RP1: variants seen among roughly 807,000 people sequenced by gnomAD.
The protein encoded by RP1 is oxygen-regulated protein 1.
Under a neutral mutation model 14.8 loss-of-function variants are expected in RP1, and 16 were observed. The observed-to-expected ratio is 1.08, with a 90% CI of 0.73 to 1.65. The LOEUF (loss-of-function observed/expected upper bound fraction) is 1.65, where lower values mean the gene tolerates loss of function less well. Ranked by LOEUF, RP1 falls within the 40% of genes most tolerant of loss-of-function variation. The pLI is 0.00. For synonymous variants in RP1, 876 were observed against 883.6 expected (o/e 0.99, Z 0.15); for missense variants, 2,631 against 2,535.0 (o/e 1.04, Z -0.81).
At chr8:54,697,514 C>T (rs1807898020) in intron 12 of RP1, among the ~76,000 whole-genome samples, 1 of 152,172 alleles carries the variant, frequency 6.6e-6, no homozygotes, top group Non-Finnish European at 1.5e-5. Flanking sequence ...AAGATTGTGC[C>T]ATTGCACTCC....
chr8:54,840,027 A>G (rs568188932), intron 25 of RP1, among the ~76,000 whole-genome samples: 1 of 152,088 alleles, frequency 6.6e-6, no homozygotes, highest in African/African-American at 2.4e-5. Flanking sequence ...ATGAAGTGGG[A>G]AAAATGAAGG....
chr8:54,674,402 T>A (rs932743612), intron 8 of RP1, among the ~76,000 whole-genome samples: 12 of 151,742 alleles, frequency 7.9e-5, no homozygotes, highest in African/African-American at 2.9e-4. Context: ...ATCAACTCTG[T>A]GAGATGACTC....
At chr8:54,803,885 T>C (rs1169178770) in intron 24 of RP1, among the ~76,000 whole-genome samples, 1 of 151,984 alleles carries the variant, frequency 6.6e-6, no homozygotes, top group South Asian at 2.1e-4. Flanking sequence ...CTGACCAACA[T>C]GGTGAAACCC....
In RP1 at chr8:54,809,544, A is replaced by G. The variant is rs569101743; in HGVS notation, c.3615+25834A>G. 3.9e-5 allele frequency among the ~76,000 whole-genome samples: 6 copies of G among 152,346 alleles called. No individual in the cohort carries two copies. In the East Asian group the frequency reaches 1.2e-3, roughly 29 times the overall value. ...TCATAAAAGCCTTAAATTCAAACAA[A>G]TTCTCTGTATGTATTTCAATCTTAT... is the stretch of plus-strand genomic sequence containing the variant. On this transcript the variant is annotated intron_variant, in intron 24 of 28. Transcript: ENST00000637698.
intron 24 of RP1, among the ~76,000 whole-genome samples, chr8:54,798,190 A>G (rs1189578386): frequency 6.6e-6 from 1 of 151,712 alleles, no homozygotes; most frequent in Non-Finnish European, 1.5e-5. Context: ...AGTTTTTTGT[A>G]TTTTAGTAGA....
chr8:54,624,168 G>A (rs950416406), intron 3 of RP1, among the ~76,000 whole-genome samples: 35 of 152,190 alleles, frequency 2.3e-4, no homozygotes, highest in Non-Finnish European at 2.4e-4. Flanking sequence ...TAGGCTGAGC[G>A]TGGTGGCTCA....
upstream of RP1, among the ~76,000 whole-genome samples, chr8:54,615,294 G>GAGA (rs1296869898): frequency 7.2e-5 from 11 of 152,130 alleles, no homozygotes; most frequent in Admixed American, 7.2e-4. Flanking sequence ...GATTGGTGTG[G>GAGA]AGACAACATT....
intron 1 of RP1, among the ~76,000 whole-genome samples, chr8:54,559,585 G>T (rs1804238617): frequency 6.6e-6 from 1 of 152,150 alleles, no homozygotes; most frequent in Admixed American, 6.5e-5. Flanking sequence ...ATATTTGTAA[G>T]GTATTGTAGT....
At chr8:54,574,731 CAG>C (rs1297947658) in intron 1 of RP1, among the ~76,000 whole-genome samples, 1 of 152,086 alleles carries the variant, frequency 6.6e-6, no homozygotes, top group African/African-American at 2.4e-5. Context: ...AAAACCACTC[CAG>C]AGTTAACTTA....
At chr8:54,668,683 G>A (rs945704531) in intron 7 of RP1, among the ~76,000 whole-genome samples, 11 of 152,106 alleles carry the variant, frequency 7.2e-5, no homozygotes, top group Admixed American at 3.9e-4. Flanking sequence ...CAGAGATATA[G>A]ACCAATGGAA....
intron 7 of RP1, among the ~76,000 whole-genome samples, chr8:54,673,026 A>C (rs1807212271): frequency 6.6e-6 from 1 of 152,174 alleles, no homozygotes. Flanking sequence ...TTTTTTATTA[A>C]TGAATGCTAA....
intron 12 of RP1, among the ~76,000 whole-genome samples, chr8:54,692,029 G>C (rs920986148): frequency 6.6e-6 from 1 of 151,430 alleles, no homozygotes; most frequent in Non-Finnish European, 1.5e-5. Context: ...ATGTGTTCTC[G>C]TTGTTCAATT....
intron 1 of RP1, among the ~76,000 whole-genome samples, chr8:54,595,795 CATT>C (rs1277249574): frequency 1.3e-5 from 2 of 152,204 alleles, no homozygotes; most frequent in East Asian, 3.8e-4. Context: ...TATTTACTAT[CATT>C]ATTAATAAAG....
intron 4 of RP1, chr8:54,649,176 T>C: frequency 1.4e-6 from 2 of 1,436,052 alleles, no homozygotes; most frequent in Admixed American, 5.9e-5. Flanking sequence ...GTATAAACTG[T>C]TAATATAAGT....
chr8:54,793,392 A>G (rs1810514268), intron 24 of RP1, among the ~76,000 whole-genome samples: 1 of 151,906 alleles, frequency 6.6e-6, no homozygotes, highest in Non-Finnish European at 1.5e-5. Context: ...AAATTACAGG[A>G]CAATATTCCT....
intron 1 of RP1, among the ~76,000 whole-genome samples, chr8:54,584,626 GT>G (rs1804875840): frequency 6.6e-6 from 1 of 152,148 alleles, no homozygotes; most frequent in South Asian, 2.1e-4. Context: ...TTATTATTGT[GT>G]GGGTGTCTAA....
Position 54,663,852 on chromosome 8 carries a change from T to C in RP1, c.1323+2T>C, listed in dbSNP as rs115833568. On this transcript the variant is annotated splice_donor_variant, in intron 7 of 22. Transcript: ENST00000636932. LOFTEE classifies it high-confidence loss of function. ...TCCTTCAATTTTTTAAGAGGACAAG[T>C]AAGCAAAATGCCCTTTGATTTTAAA... The C allele has an allele frequency of 2.9e-4, 434 of 1,520,174 alleles. 3 individuals carry two copies. The African/African-American group carries it at 5.5e-3, about 19-fold the overall frequency. The allele number at this position is 1,520,174 out of a possible 1,614,324, so 94.2% of individuals were successfully genotyped here. A position where few individuals can be genotyped will look rare whatever the true frequency, so the allele number is the denominator to read the frequency against.
intron 1 of RP1, among the ~76,000 whole-genome samples, chr8:54,607,843 C>T (rs1805494506): frequency 6.6e-6 from 1 of 152,194 alleles, no homozygotes; most frequent in Non-Finnish European, 1.5e-5. Flanking sequence ...CCCTCTGAGC[C>T]ATGCGTGGGA....
intron 24 of RP1, among the ~76,000 whole-genome samples, chr8:54,793,287 T>C (rs1334861822): frequency 6.6e-6 from 1 of 151,824 alleles, no homozygotes; most frequent in Non-Finnish European, 1.5e-5. Context: ...CAAACTCTTC[T>C]AAAAAATCTA....
Sources: gnomAD v4.1 joint callset for allele counts (sites outside exome capture counted in the v4.1 genomes callset) on GRCh38, gnomAD v4.1.1 for gene constraint, MANE v1.5 for transcripts, NCBI Gene and HGNC (gene_info 2026-07-23, HGNC 2026-07-21) for gene names.